The following PCDH15 variants were observed in gnomAD, a reference collection of about 807,000 sequenced individuals.
PCDH15 encodes protocadherin-15.
In PCDH15, 129 loss-of-function variants were observed where a neutral mutation model predicts 178.5. The ratio of observed to expected loss-of-function variants is 0.72; its 90% CI spans 0.63 to 0.84. The LOEUF (loss-of-function observed/expected upper bound fraction) is 0.84, where lower values mean the gene tolerates loss of function less well. PCDH15 is among the 40% of genes least tolerant of loss of function. PCDH15 has a pLI of 0.00. For synonymous variants in PCDH15, 800 were observed against 732.0 expected (o/e 1.09, Z -1.50); for missense variants, 2,230 against 2,099.9 (o/e 1.06, Z -1.21).
intron 2 of PCDH15, among the ~76,000 whole-genome samples, chr10:55,445,350 T>C (rs11004867): frequency 0.41 from 62,119 of 151,698 alleles, 13,453 homozygotes; most frequent in East Asian, 0.83. Flanking sequence ...CAGGGAAAAA[T>C]ACCATTCAAC....
chr10:54,804,541 T>C (rs1952743300), upstream of PCDH15, among the ~76,000 whole-genome samples: 3 of 152,024 alleles, frequency 2.0e-5, no homozygotes, highest in Admixed American at 1.3e-4. Context: ...CATCTTCTTG[T>C]CATTCACCTC....
chr10:55,441,152 A>T (rs1220222669), intron 2 of PCDH15, among the ~76,000 whole-genome samples: 1 of 152,202 alleles, frequency 6.6e-6, no homozygotes, highest in East Asian at 1.9e-4. Flanking sequence ...TTCTTACCTA[A>T]AAGCAGTTTT....
At chr10:55,289,998 A>G (rs1424051590) in intron 1 of PCDH15, among the ~76,000 whole-genome samples, 2 of 150,316 alleles carry the variant, frequency 1.3e-5, no homozygotes, top group Non-Finnish European at 2.9e-5. Flanking sequence ...AAACATAAAG[A>G]AGACCCTCAC....
chr10:55,429,040 A>C (rs1838822834), intron 2 of PCDH15, among the ~76,000 whole-genome samples: 2 of 152,042 alleles, frequency 1.3e-5, no homozygotes, highest in African/African-American at 4.8e-5. Context: ...ATCATCACAT[A>C]TTTGACTTCC....
At chr10:54,376,237 C>T (rs1488897445) in intron 4 of PCDH15, among the ~76,000 whole-genome samples, 1 of 151,576 alleles carries the variant, frequency 6.6e-6, no homozygotes, top group Non-Finnish European at 1.5e-5. Context: ...AAAGAACAAC[C>T]AAAAAACTTT....
At chr10:55,024,300 T>C (rs1169075354) in intron 2 of PCDH15, among the ~76,000 whole-genome samples, 2 of 123,658 alleles carry the variant, frequency 1.6e-5, no homozygotes, top group African/African-American at 5.8e-5. Context: ...TATATGAATA[T>C]ATATATGGGA....
chr10:54,072,523 C>T (rs11004041), intron 17 of PCDH15, among the ~76,000 whole-genome samples: 1,628 of 152,048 alleles, frequency 0.011, 26 homozygotes, highest in African/African-American at 0.037. Context: ...TTATGAATTA[C>T]GGGAAGGAGA....
chr10:54,658,697 A>G lies in PCDH15; in HGVS notation c.91+5475T>C, dbSNP rs535366294. On this transcript the variant is annotated intron_variant, in intron 2 of 37. Transcript: ENST00000644397. ...TGCTACCAGAAAAGCATATATAAGTACAAAGTTCACAGATCCCATAAAGCA... is the reference window on the plus strand; with the variant it reads ...TGCTACCAGAAAAGCATATATAAGTGCAAAGTTCACAGATCCCATAAAGCA... 1.0e-3 allele frequency among the ~76,000 whole-genome samples: 156 copies of G among 152,340 alleles called. 1 individual carries two copies. Among genetic ancestry groups the G allele is most frequent in the African/African-American group, 3.6e-3 (148 of 41,590 alleles).
intron 2 of PCDH15, among the ~76,000 whole-genome samples, chr10:55,407,001 T>A (rs139700098): frequency 0.012 from 1,829 of 152,278 alleles, 46 homozygotes; most frequent in African/African-American, 0.042. Context: ...GTTAACAAGC[T>A]GAGAGCTTAA....
rs151066836 is a variant in PCDH15 at position 54,538,603 on chromosome 10, C to T, written c.92-10726G>A. ...TTGTGTCCCCATCCAAATCTCATGT[C>T]AAATTCTAACCTCCAATGTTGGAGG... is the stretch of plus-strand genomic sequence containing the variant. On this transcript the variant is annotated intron_variant, in intron 2 of 37. Coordinates refer to ENST00000644397, the MANE Select transcript of PCDH15 (RefSeq NM_001384140.1). Among the ~76,000 whole-genome samples, 1,403 of 152,146 alleles carry T rather than the reference C, an allele frequency of 9.2e-3. 16 individuals are homozygous for T. The highest frequency in any genetic ancestry group is 0.032 in the African/African-American group (1,327 of 41,496).
intron 23 of PCDH15, among the ~76,000 whole-genome samples, chr10:53,957,826 A>AG (rs370809356): frequency 9.3e-4 from 142 of 152,286 alleles, no homozygotes; most frequent in African/African-American, 3.1e-3. Context: ...TTACTGTGTC[A>AG]GAAAAAAAAG....
intron 25 of PCDH15, among the ~76,000 whole-genome samples, chr10:53,929,462 C>G (rs559765969): frequency 3.9e-4 from 60 of 152,138 alleles, no homozygotes; most frequent in African/African-American, 1.3e-3. Flanking sequence ...GTTTCTAAAA[C>G]AGTGGCCATA....
chr10:55,391,915 T>C (rs1198445595), intron 2 of PCDH15, among the ~76,000 whole-genome samples: 1 of 152,230 alleles, frequency 6.6e-6, no homozygotes, highest in African/African-American at 2.4e-5. Flanking sequence ...TAACCATTTT[T>C]AGCTTTTGAT....
intron 2 of PCDH15, among the ~76,000 whole-genome samples, chr10:55,057,371 T>G (rs1841331385): frequency 6.6e-6 from 1 of 152,230 alleles, no homozygotes; most frequent in Admixed American, 6.5e-5. Context: ...CTTCCTGTAA[T>G]ACTACTAGTT....
rs934173470 is a variant in PCDH15 at position 54,528,316 on chromosome 10, A to G, written c.92-439T>C. 8.0e-6 allele frequency: 11 copies of G among 1,381,032 alleles called. No homozygotes were observed. The African/African-American group carries it at 8.6e-5, about 11-fold the overall frequency. The allele number at this position is 1,381,032 out of a possible 1,614,324, so 85.5% of individuals were successfully genotyped here. ...GTGAATAGAATTTTAATAATGTTCT[A>G]AAGAGAATAAAACAAAGACAGACAA... On this transcript the variant is annotated intron_variant, in intron 2 of 37. Coordinates refer to ENST00000644397, the MANE Select transcript of PCDH15 (RefSeq NM_001384140.1).
intron 3 of PCDH15, among the ~76,000 whole-genome samples, chr10:54,868,600 T>C (rs181592596): frequency 2.0e-4 from 31 of 152,268 alleles, no homozygotes; most frequent in African/African-American, 7.5e-4. Flanking sequence ...ACCATCTCTC[T>C]GTTCACCATT....
intron 2 of PCDH15, among the ~76,000 whole-genome samples, chr10:55,452,327 A>G (rs368988140): frequency 1.3e-5 from 2 of 152,164 alleles, no homozygotes; most frequent in African/African-American, 2.4e-5. Flanking sequence ...CTTGACCCAT[A>G]GCCAGAAACT....
intron 1 of PCDH15, among the ~76,000 whole-genome samples, chr10:54,761,015 C>T (rs1278235176): frequency 6.6e-6 from 1 of 151,888 alleles, no homozygotes; most frequent in Non-Finnish European, 1.5e-5. Context: ...TAGTTTAAGT[C>T]ACTGGTAGTT....
intron 8 of PCDH15, among the ~76,000 whole-genome samples, chr10:54,246,039 A>G (rs770904238): frequency 2.0e-5 from 3 of 151,980 alleles, no homozygotes; most frequent in Non-Finnish European, 4.4e-5. Context: ...CAATATATGT[A>G]GCTTAAACTT....
Sources: allele counts gnomAD v4.1 joint callset (sites outside exome capture counted in the v4.1 genomes callset), GRCh38; gene constraint gnomAD v4.1.1; transcripts MANE v1.5; gene names NCBI Gene and HGNC (gene_info 2026-07-23, HGNC 2026-07-21).